The following CD36 variants were observed in gnomAD, a reference collection of about 807,000 sequenced individuals.
The protein encoded by CD36 is platelet glycoprotein 4.
A neutral mutation model predicts 55.2 loss-of-function variants in CD36; 119 were observed. The observed-to-expected ratio is 2.15, with a 90% CI of 1.86 to 2.51. CD36 has a LOEUF of 2.51. Ranked by LOEUF, CD36 falls within the 30% of genes most tolerant of loss-of-function variation. The pLI is 0.00. For synonymous variants in CD36, 186 were observed against 193.6 expected, an observed-to-expected ratio of 0.96 and a Z score of 0.33; for missense variants, 819 against 555.5, an observed-to-expected ratio of 1.47 and a Z score of -4.77.
At chr7:80,674,856 A>AACTT (rs1221678427) in intron 14 of CD36, among the ~76,000 whole-genome samples, 1 of 152,112 alleles carries the variant, frequency 6.6e-6, no homozygotes, top group Non-Finnish European at 1.5e-5. Context: ...GTGTTATAAT[A>AACTT]ACTTATTTAG....
At chr7:80,643,810 A>G (rs1024149588) in intron 1 of CD36, among the ~76,000 whole-genome samples, 2 of 152,190 alleles carry the variant, frequency 1.3e-5, no homozygotes, top group South Asian at 2.1e-4. Context: ...TCATTTAGCA[A>G]GACAGTGACA....
At chr7:80,637,699 T>A (rs1794522898), upstream of CD36, among the ~76,000 whole-genome samples, 1 of 152,096 alleles carries the variant, frequency 6.6e-6, no homozygotes, top group East Asian at 1.9e-4. Flanking sequence ...GAACTAAATA[T>A]ATTTCTGTCT....
At chr7:80,653,234 T>G (rs1795763043) in intron 3 of CD36, among the ~76,000 whole-genome samples, 1 of 152,216 alleles carries the variant, frequency 6.6e-6, no homozygotes, top group Non-Finnish European at 1.5e-5. Context: ...TTCTGTCTCT[T>G]GGTAGAAATG....
At chr7:80,623,516 G>T (rs1031492967) in intron 1 of CD36, among the ~76,000 whole-genome samples, 1 of 151,720 alleles carries the variant, frequency 6.6e-6, no homozygotes, top group Admixed American at 6.6e-5. Context: ...TATTTTTAGG[G>T]TGTATTTATT....
chr7:80,667,989 C>T (rs528371631), intron 8 of CD36, among the ~76,000 whole-genome samples: 37 of 151,892 alleles, frequency 2.4e-4, no homozygotes, highest in Middle Eastern at 3.4e-3. Context: ...CCTTGTGATC[C>T]GCCCCCCTCG....
chr7:80,664,436 G>A lies in CD36; in HGVS notation c.640G>A (p.Val214Ile), dbSNP rs190735330. 12 of 1,576,606 alleles carry A rather than the reference G, an allele frequency of 7.6e-6. No homozygotes were observed. Among genetic ancestry groups the A allele is most frequent in the Non-Finnish European group, 9.6e-6 (11 of 1,146,250 alleles). Reference protein sequence around the residue: ...YNNTADGVYKVFNGKDNISKV... With the variant: ...YNNTADGVYKIFNGKDNISKV... ...CAATACTGCAGATGGAGTTTATAAA[G>A]TTTTCAATGGAAAAGATAACATAAG... Residue 214 changes from valine to isoleucine, a missense_variant, in exon 7 of 15, where the codon GTT (valine) becomes ATT (isoleucine). By Grantham distance (29) the Val-to-Ile change is conservative. Transcript: ENST00000447544.
intron 3 of CD36, among the ~76,000 whole-genome samples, chr7:80,650,828 C>T (rs1215445806): frequency 6.6e-6 from 1 of 151,014 alleles, no homozygotes; most frequent in Non-Finnish European, 1.5e-5. Flanking sequence ...CTGGTATCCT[C>T]ATGCTTTTTA....
At chr7:80,664,686 T>C (rs1261044746) in intron 7 of CD36, among the ~76,000 whole-genome samples, 189 bp downstream of exon 7, 1 of 152,110 alleles carries the variant, frequency 6.6e-6, no homozygotes, top group Admixed American at 6.5e-5. Context: ...TTCACACCAG[T>C]GCATAGCTGC....
At chr7:80,651,892 AAGTG>A (rs1795652115) in intron 3 of CD36, among the ~76,000 whole-genome samples, 1 of 152,116 alleles carries the variant, frequency 6.6e-6, no homozygotes, top group African/African-American at 2.4e-5. Flanking sequence ...CTGGGTGACA[AAGTG>A]AGACCCTGTC....
chr7:80,640,822 G>A (rs1413656), intron 1 of CD36, among the ~76,000 whole-genome samples: 142,548 of 152,120 alleles, frequency 0.94, 67,126 homozygotes, highest in East Asian at 1. Context: ...TATTGCATTA[G>A]TTTTTAAAGA....
chr7:80,633,688 G>C (rs1385887286), upstream of CD36, among the ~76,000 whole-genome samples: 1 of 151,968 alleles, frequency 6.6e-6, no homozygotes, highest in Non-Finnish European at 1.5e-5. Flanking sequence ...TAAGTGACGA[G>C]CTGGCAACTG....
chr7:80,672,417 TTA>T (rs1269095733), intron 11 of CD36, among the ~76,000 whole-genome samples: 4 of 151,858 alleles, frequency 2.6e-5, no homozygotes, highest in African/African-American at 9.7e-5. Context: ...ATTTTAGTAG[TTA>T]TGTTTTAGTT....
chr7:80,670,072 CAAAATGCAGACCAAGAAACTT>C lies in CD36; in HGVS notation c.818+54_818+74del, dbSNP rs1797511799. ...TATGTCTGAGTCAGACCCCAGGTGA[CAAAATGCAGACCAAGAAACTT>C]AAACACAGCATAGGAAATTCATCAT... On this transcript the variant is annotated intron_variant, in intron 9 of 14. Coordinates refer to ENST00000447544, the MANE Select transcript of CD36 (RefSeq NM_001001548.3). 6 of 1,112,556 alleles carry C rather than the reference CAAAATGCAGACCAAGAAACTT, an allele frequency of 5.4e-6. No homozygotes were observed. In the East Asian group the frequency reaches 1.4e-4, roughly 26 times the overall value. 68.9% of individuals were successfully genotyped at this position (1,112,556 alleles called of 1,614,324 possible). A position where few individuals can be genotyped will look rare whatever the true frequency, so the allele number is the denominator to read the frequency against.
chr7:80,629,110 T>C (rs1793916212), intron 1 of CD36, among the ~76,000 whole-genome samples: 1 of 151,824 alleles, frequency 6.6e-6, no homozygotes. Flanking sequence ...GCTGAATCAA[T>C]AGGAGGACAG....
At chr7:80,656,420 A>T in intron 3 of CD36, 120 bp from the exon 4 acceptor site, 1 of 790,020 alleles carries the variant, frequency 1.3e-6, no homozygotes, top group Non-Finnish European at 2.2e-6. Context: ...AAAGGTTCTC[A>T]TGAATGAGGT....
intron 8 of CD36, among the ~76,000 whole-genome samples, chr7:80,669,288 G>C (rs1797416544): frequency 6.6e-6 from 1 of 152,158 alleles, no homozygotes; most frequent in Non-Finnish European, 1.5e-5. Context: ...ATATGTAACT[G>C]TTAAGGACTC....
At chr7:80,634,890 A>G (rs192892719), upstream of CD36, among the ~76,000 whole-genome samples, 59 of 152,250 alleles carry the variant, frequency 3.9e-4, no homozygotes, top group Non-Finnish European at 8.8e-5. Context: ...TATGGAATAA[A>G]AATGTAAACA....
intron 1 of CD36, among the ~76,000 whole-genome samples, chr7:80,615,491 C>G (rs183103759): frequency 1.8e-4 from 27 of 152,156 alleles, no homozygotes; most frequent in Admixed American, 1.4e-3. Flanking sequence ...TTCTATTGCC[C>G]TTTTTCCATC....
At position 80,614,423 on chromosome 7, in the gene CD36, T is replaced by A. The variant is rs189360412; in HGVS notation, c.-184+12044T>A. On this transcript the variant is annotated intron_variant, in intron 1 of 13. Transcript: ENST00000309881. ...ACTGGCCAACAAGAGAATCTATATA[T>A]ATGTTCACTAAAAAGCAGGTTTATA... Among the ~76,000 whole-genome samples the A allele has an allele frequency of 1.6e-3, 250 of 152,310 alleles. 2 individuals carry two copies. Among genetic ancestry groups the A allele is most frequent in the African/African-American group, 5.9e-3 (245 of 41,570 alleles).
Sources: allele counts gnomAD v4.1 joint callset (sites outside exome capture counted in the v4.1 genomes callset), GRCh38; gene constraint gnomAD v4.1.1; transcripts MANE v1.5; gene names NCBI Gene and HGNC (gene_info 2026-07-23, HGNC 2026-07-21).